Variants in ITPR2 observed in about 807,000 individuals in gnomAD.
ITPR2 encodes inositol 1,4,5-trisphosphate receptor type 2.
In ITPR2, 207 loss-of-function variants were observed where a neutral mutation model predicts 317.1. The ratio of observed to expected loss-of-function variants is 0.65; its 90% CI spans 0.58 to 0.73. ITPR2 has a LOEUF of 0.73. ITPR2 is among the 30% of genes least tolerant of loss of function. The pLI is 0.00. For synonymous variants in ITPR2, 1,156 were observed against 1,149.1 expected, an observed-to-expected ratio of 1.01 and a Z score of -0.12; for missense variants, 2,613 against 3,284.0, an observed-to-expected ratio of 0.80 and a Z score of 4.99.
chr12:26,772,962 T>C (rs1380800959), intron 2 of ITPR2, among the ~76,000 whole-genome samples: 1 of 152,090 alleles, frequency 6.6e-6, no homozygotes, highest in Non-Finnish European at 1.5e-5. Context: ...TGTCCATGTG[T>C]TCTCATTGTT....
At chr12:26,438,508 A>T (rs1483048184) in intron 47 of ITPR2, among the ~76,000 whole-genome samples, 1 of 152,200 alleles carries the variant, frequency 6.6e-6, no homozygotes, top group Non-Finnish European at 1.5e-5. Context: ...TTTATTTAAA[A>T]ATTCTAAAAT....
intron 31 of ITPR2, 87 bp from the exon 32 acceptor site, chr12:26,595,677 G>A: frequency 1.8e-6 from 2 of 1,112,000 alleles, no homozygotes; most frequent in Non-Finnish European, 2.5e-6. Flanking sequence ...CATAAAATCT[G>A]TTAGTTTTTA....
At chr12:26,797,238 T>C (rs2137230909) in intron 1 of ITPR2, among the ~76,000 whole-genome samples, 1 of 152,338 alleles carries the variant, frequency 6.6e-6, no homozygotes, top group East Asian at 1.9e-4. Context: ...CTAAACAGCA[T>C]ATATTTTAGG....
chr12:26,344,975 T>G (rs1438794836), intron 55 of ITPR2, among the ~76,000 whole-genome samples: 3 of 152,216 alleles, frequency 2.0e-5, no homozygotes, highest in Non-Finnish European at 2.9e-5. Flanking sequence ...TGTTTTGGTT[T>G]GTTTGTTTCT....
chr12:26,625,307 AT>A (rs374067355), intron 23 of ITPR2, among the ~76,000 whole-genome samples: 201 of 152,292 alleles, frequency 1.3e-3, no homozygotes, highest in South Asian at 8.3e-3. Context: ...TTTGTTGTAC[AT>A]TTTTTAATAA....
Position 26,427,955 on chromosome 12 carries a change from T to C in ITPR2, c.6903A>G (p.Thr2301=), listed in dbSNP as rs780250836. ...LVSIMLRSIY[T]IGLGPTLILL... The stretch of plus-strand genomic sequence containing the variant: ...GTATTAATGTAGGCCCAAGACCTAT[T>C]GTATATATTGATCTGAGCATTATTG... Residue 2301 remains threonine (T), a synonymous_variant, in exon 49 of 57, where the codon ACA becomes ACG. Coordinates refer to ENST00000381340, the MANE Select transcript of ITPR2 (RefSeq NM_002223.4). 49 of 1,610,774 alleles carry C rather than the reference T, an allele frequency of 3.0e-5. No individual in the cohort carries two copies. The highest frequency in any genetic ancestry group is 3.8e-5 in the Non-Finnish European group (45 of 1,178,570).
At chr12:26,761,258 G>C (rs540005479) in intron 2 of ITPR2, among the ~76,000 whole-genome samples, 37 of 152,312 alleles carry the variant, frequency 2.4e-4, no homozygotes, top group African/African-American at 8.7e-4. Context: ...CCACCAGACA[G>C]CCCATCAAGA....
At chr12:26,685,663 G>A (rs1227180731) in intron 11 of ITPR2, among the ~76,000 whole-genome samples, 3 of 152,144 alleles carry the variant, frequency 2.0e-5, no homozygotes, top group Non-Finnish European at 4.4e-5. Context: ...GTAAGATATT[G>A]TCTTACCTTA....
At chr12:26,779,022 G>A (rs928115239) in intron 2 of ITPR2, among the ~76,000 whole-genome samples, 12 of 152,166 alleles carry the variant, frequency 7.9e-5, no homozygotes, top group Admixed American at 5.2e-4. Context: ...TGAGTGACCC[G>A]AAAAGCTGCC....
At position 26,454,426 on chromosome 12, in the gene ITPR2, G is replaced by T. The variant is rs528518953; in HGVS notation, c.6343-10776C>A. 7.6e-4 allele frequency among the ~76,000 whole-genome samples: 115 copies of T among 152,152 alleles called. 1 individual carries two copies. Among genetic ancestry groups the T allele is most frequent in the Non-Finnish European group, 1.2e-3 (79 of 67,984 alleles). ...TCACCATATTGGCCAGGATGGTCTC[G>T]AGATCTCTTGACCTTGTGATCTGCC... On this transcript the variant is annotated intron_variant, in intron 45 of 56. Coordinates refer to ENST00000381340, the MANE Select transcript of ITPR2 (RefSeq NM_002223.4).
At chr12:26,637,472 G>T (rs770187469) in intron 21 of ITPR2, among the ~76,000 whole-genome samples, 1 of 152,122 alleles carries the variant, frequency 6.6e-6, no homozygotes, top group Non-Finnish European at 1.5e-5. Context: ...CGAAGTGAAA[G>T]ATTTAGATTA....
intron 1 of ITPR2, among the ~76,000 whole-genome samples, chr12:26,814,050 C>T (rs1950805094): frequency 6.6e-6 from 1 of 152,206 alleles, no homozygotes; most frequent in Admixed American, 6.5e-5. Context: ...AGCAGCTGGA[C>T]CATCATCGAG....
intron 37 of ITPR2, among the ~76,000 whole-genome samples, chr12:26,511,018 T>C (rs1943332822): frequency 6.6e-6 from 1 of 152,260 alleles, no homozygotes; most frequent in South Asian, 2.1e-4. Context: ...ACATTTTCTA[T>C]GCTATTATCA....
intron 49 of ITPR2, among the ~76,000 whole-genome samples, chr12:26,426,953 G>A (rs1304625037): frequency 6.6e-6 from 1 of 151,466 alleles, no homozygotes; most frequent in Non-Finnish European, 1.5e-5. Flanking sequence ...GCAAGCCCCT[G>A]TAAATATATA....
In ITPR2 at chr12:26,480,647, C is replaced by T. The variant is rs527929162; in HGVS notation, c.6123+484G>A. On this transcript the variant is annotated intron_variant, in intron 43 of 56. Coordinates refer to ENST00000381340, the MANE Select transcript of ITPR2 (RefSeq NM_002223.4). The stretch of plus-strand genomic sequence containing the variant: ...ACGAGGTCAGGAGTTCCAGACCAGC[C>T]TGGCCAACACAGTGAAACCCCGTCT... 2.0e-5 allele frequency among the ~76,000 whole-genome samples: 3 copies of T among 152,208 alleles called. No homozygotes were observed. In the East Asian group the frequency reaches 5.8e-4, roughly 29 times the overall value.
intron 26 of ITPR2, among the ~76,000 whole-genome samples, chr12:26,605,617 G>C (rs986418086): frequency 6.6e-6 from 1 of 152,132 alleles, no homozygotes; most frequent in African/African-American, 2.4e-5. Flanking sequence ...TGAAGAAAAA[G>C]CAACTGTCTT....
At chr12:26,564,566 G>A (rs1022225518) in intron 34 of ITPR2, among the ~76,000 whole-genome samples, 6 of 152,118 alleles carry the variant, frequency 3.9e-5, no homozygotes, top group Admixed American at 2.6e-4. Flanking sequence ...GTTAAGTTGA[G>A]GTCATACTGA....
chr12:26,766,762 G>A (rs530512306), intron 2 of ITPR2, among the ~76,000 whole-genome samples: 2 of 152,234 alleles, frequency 1.3e-5, no homozygotes, highest in Non-Finnish European at 2.9e-5. Flanking sequence ...TTCTTACGCT[G>A]AGGTCTATGA....
chr12:26,694,893 G>T (rs894493570), intron 10 of ITPR2, among the ~76,000 whole-genome samples: 1 of 152,132 alleles, frequency 6.6e-6, no homozygotes, highest in East Asian at 1.9e-4. Context: ...TCTATCGTAA[G>T]CCTGGCAGTC....
Sources: gnomAD v4.1 joint callset for allele counts (sites outside exome capture counted in the v4.1 genomes callset) on GRCh38, gnomAD v4.1.1 for gene constraint, MANE v1.5 for transcripts, NCBI Gene and HGNC (gene_info 2026-07-23, HGNC 2026-07-21) for gene names.